SSBP3: variants seen among roughly 807,000 people sequenced by gnomAD.
SSBP3 encodes the protein single stranded DNA binding protein 3, also known as single-stranded DNA-binding protein 3.
Under a neutral mutation model 69.6 loss-of-function variants are expected in SSBP3, and 5 were observed. The observed-to-expected ratio is 0.07, with a 90% CI of 0.04 to 0.15. The LOEUF (loss-of-function observed/expected upper bound fraction) is 0.15, where lower values mean the gene tolerates loss of function less well. SSBP3 is among the 10% of genes least tolerant of loss of function. The pLI is 1.00. For missense variants in SSBP3, 312 were observed against 534.0 expected, an observed-to-expected ratio of 0.58 and a Z score of 4.10; for synonymous variants, 196 against 193.4, an observed-to-expected ratio of 1.01 and a Z score of -0.11.
intron 4 of SSBP3, among the ~76,000 whole-genome samples, chr1:54,285,905 T>C (rs1645480381): frequency 6.6e-6 from 1 of 152,164 alleles, no homozygotes; most frequent in East Asian, 1.9e-4. Flanking sequence ...CCCTTTCTCG[T>C]TCTGGGACTC....
intron 4 of SSBP3, among the ~76,000 whole-genome samples, chr1:54,379,122 G>T (rs1355452351): frequency 1.3e-5 from 2 of 152,182 alleles, no homozygotes; most frequent in Non-Finnish European, 2.9e-5. Flanking sequence ...GAGAGACAAA[G>T]AATTATTTAT....
intron 4 of SSBP3, among the ~76,000 whole-genome samples, chr1:54,340,213 G>C (rs1646583523): frequency 6.6e-6 from 1 of 152,208 alleles, no homozygotes; most frequent in South Asian, 2.1e-4. Flanking sequence ...TTGCCTCTGT[G>C]CATTCCAGAT....
intron 4 of SSBP3, among the ~76,000 whole-genome samples, chr1:54,308,461 C>T (rs1214859451): frequency 6.6e-6 from 1 of 152,048 alleles, no homozygotes; most frequent in Non-Finnish European, 1.5e-5. Flanking sequence ...ATTAGCCAGG[C>T]GCGGTGGCGG....
At chr1:54,396,211 A>AAAAAAAAAAAAAAAAAAAAAAAAAC (rs1557591493) in intron 4 of SSBP3, among the ~76,000 whole-genome samples, 1 of 150,150 alleles carries the variant, frequency 6.7e-6, no homozygotes, top group African/African-American at 2.4e-5. Context: ...AAAAAAAAAA[A>AAAAAAAAAAAAAAAAAAAAAAAAAC]AAAAAAAACA....
Position 54,228,844 on chromosome 1 carries a change from G to A in SSBP3, c.928-18C>T, listed in dbSNP as rs751770573. ...ATCGGGAACTGGGGAAGAAGCACAG[G>A]GCATGGCAGCTCAGCGGGCCCTGGC... On this transcript the variant is annotated intron_variant, in intron 14 of 17. Coordinates refer to ENST00000610401, the Ensembl canonical transcript of SSBP3. 9 of 1,609,808 alleles carry A rather than the reference G, an allele frequency of 5.6e-6. No homozygotes were observed. In the African/African-American group the frequency reaches 6.7e-5, roughly 12 times the overall value.
At chr1:54,403,601 G>A (rs1158570860) in intron 3 of SSBP3, among the ~76,000 whole-genome samples, 1 of 152,166 alleles carries the variant, frequency 6.6e-6, no homozygotes, top group Non-Finnish European at 1.5e-5. Flanking sequence ...AGTTAGAACA[G>A]ACACTTCATC....
chr1:54,279,621 G>C (rs1367960765), intron 5 of SSBP3, among the ~76,000 whole-genome samples: 1 of 152,176 alleles, frequency 6.6e-6, no homozygotes, highest in Non-Finnish European at 1.5e-5. Flanking sequence ...ACCAGACACG[G>C]AAGCCACATC....
chr1:54,368,649 T>C (rs909325410), intron 4 of SSBP3, among the ~76,000 whole-genome samples: 13 of 152,160 alleles, frequency 8.5e-5, no homozygotes, highest in African/African-American at 3.1e-4. Context: ...TGCACCCTAG[T>C]ACACTAGAAA....
At chr1:54,318,768 C>T (rs1255352252) in intron 4 of SSBP3, among the ~76,000 whole-genome samples, 1 of 152,198 alleles carries the variant, frequency 6.6e-6, no homozygotes, top group South Asian at 2.1e-4. Flanking sequence ...CGGGAATCTT[C>T]CCCCTCCTCC....
chr1:54,405,042 G>A, intron 1 of SSBP3, 112 bp from the exon 2 acceptor site: 1 of 944,842 alleles, frequency 1.1e-6, no homozygotes, highest in East Asian at 2.6e-5. Flanking sequence ...TCCCATTGTG[G>A]CCCCGACCAG....
chr1:54,395,056 C>T (rs1648768909), intron 4 of SSBP3, among the ~76,000 whole-genome samples: 1 of 150,994 alleles, frequency 6.6e-6, no homozygotes, highest in African/African-American at 2.4e-5. Context: ...GTGGGATTTC[C>T]ACATACAATA....
intron 4 of SSBP3, among the ~76,000 whole-genome samples, chr1:54,330,079 C>T (rs969996480): frequency 6.6e-6 from 1 of 152,160 alleles, no homozygotes; most frequent in Non-Finnish European, 1.5e-5. Flanking sequence ...TCCCCTAATA[C>T]ATACACACAA....
chr1:54,295,788 C>G (rs1645693851), intron 4 of SSBP3, among the ~76,000 whole-genome samples: 1 of 152,186 alleles, frequency 6.6e-6, no homozygotes. Flanking sequence ...TTTGCACATG[C>G]CCTTCTCCCC....
chr1:54,301,338 T>A (rs1308318244), intron 4 of SSBP3, among the ~76,000 whole-genome samples: 1 of 152,078 alleles, frequency 6.6e-6, no homozygotes, highest in Non-Finnish European at 1.5e-5. Context: ...CCAACTTTGG[T>A]TCAACAGCAC....
chr1:54,282,041 AAAT>A (rs61443250), intron 4 of SSBP3, among the ~76,000 whole-genome samples: 586 of 142,876 alleles, frequency 4.1e-3, no homozygotes, highest in African/African-American at 0.014. Context: ...GCCCTATCTC[AAAT>A]AATAATAATA....
chr1:54,283,146 A>T (rs1236266261), intron 4 of SSBP3, among the ~76,000 whole-genome samples: 2 of 152,064 alleles, frequency 1.3e-5, no homozygotes, highest in Non-Finnish European at 2.9e-5. Flanking sequence ...GGGCGCCTGC[A>T]ATCCCAGCTA....
At chr1:54,401,431 AAGTAGAGCAAGAG>A (rs1221033829) in intron 4 of SSBP3, among the ~76,000 whole-genome samples, 1 of 152,068 alleles carries the variant, frequency 6.6e-6, no homozygotes, top group Non-Finnish European at 1.5e-5. Context: ...GCTCTCTGGA[AAGTAGAGCAAGAG>A]AGTCCATTCC....
At chr1:54,324,904 G>A (rs905647003) in intron 4 of SSBP3, among the ~76,000 whole-genome samples, 1 of 152,160 alleles carries the variant, frequency 6.6e-6, no homozygotes, top group African/African-American at 2.4e-5. Context: ...AAACTTCCCG[G>A]CTAGCTGAGC....
At chr1:54,367,027 G>C (rs990359889) in intron 4 of SSBP3, among the ~76,000 whole-genome samples, 1 of 152,140 alleles carries the variant, frequency 6.6e-6, no homozygotes, top group African/African-American at 2.4e-5. Context: ...TACCCTGCGG[G>C]TTCTCATGGG....
Sources: allele counts gnomAD v4.1 joint callset (sites outside exome capture counted in the v4.1 genomes callset), GRCh38; gene constraint gnomAD v4.1.1; transcripts MANE v1.5; gene names NCBI Gene and HGNC (gene_info 2026-07-23, HGNC 2026-07-21).